The following STXBP5 variants were observed in gnomAD, a reference collection of about 807,000 sequenced individuals.
STXBP5 encodes the protein syntaxin-binding protein 5.
In STXBP5, 50 loss-of-function variants were observed where a neutral mutation model predicts 152.4. The ratio of observed to expected loss-of-function variants is 0.33; its 90% CI spans 0.26 to 0.42. STXBP5 has a LOEUF of 0.42. Among genes scored for constraint, STXBP5 ranks in the 10% least tolerant of loss-of-function variants. The probability of loss-of-function intolerance (pLI) is 1.00; values close to 1 mark genes in which losing one functional copy is unlikely to be tolerated. For missense variants in STXBP5, 1,167 were observed against 1,388.6 expected, an observed-to-expected ratio of 0.84 and a Z score of 2.54; for synonymous variants, 492 against 494.7, an observed-to-expected ratio of 0.99 and a Z score of 0.07.
chr6:147,314,150 TGC>T (rs2128373630), intron 12 of STXBP5, 112 bp from the exon 13 acceptor site: 1 of 1,446,128 alleles, frequency 6.9e-7, no homozygotes, highest in East Asian at 2.3e-5. Context: ...AAATTATTTT[TGC>T]AAGCAAAATA....
intron 16 of STXBP5, among the ~76,000 whole-genome samples, chr6:147,320,724 C>G (rs982798788): frequency 6.6e-6 from 1 of 152,024 alleles, no homozygotes; most frequent in Non-Finnish European, 1.5e-5. Context: ...TAAATTACAA[C>G]ATTACTTAAA....
At chr6:147,295,421 A>G (rs1394049759) in intron 9 of STXBP5, among the ~76,000 whole-genome samples, 1 of 152,194 alleles carries the variant, frequency 6.6e-6, no homozygotes, top group African/African-American at 2.4e-5. Flanking sequence ...ACGTCTGACT[A>G]GAGGTGCCTG....
intron 9 of STXBP5, among the ~76,000 whole-genome samples, chr6:147,302,383 G>A (rs1193027390): frequency 6.6e-6 from 1 of 152,140 alleles, no homozygotes; most frequent in African/African-American, 2.4e-5. Context: ...AGTTTGGTTT[G>A]ATAGTTCGGG....
At chr6:147,349,663 C>G (rs1436805984) in intron 21 of STXBP5, among the ~76,000 whole-genome samples, 1 of 152,114 alleles carries the variant, frequency 6.6e-6, no homozygotes, top group African/African-American at 2.4e-5. Flanking sequence ...CACCTTGTGC[C>G]TACCTTTGTG....
intron 11 of STXBP5, 122 bp downstream of exon 11, chr6:147,311,649 T>A (rs1465473826): frequency 3.0e-6 from 2 of 673,616 alleles, no homozygotes; most frequent in South Asian, 2.2e-5. Flanking sequence ...AACCTTGACC[T>A]CTTTTGAGAG....
intron 7 of STXBP5, among the ~76,000 whole-genome samples, chr6:147,273,195 T>C (rs2786186): frequency 7.7e-6 from 1 of 129,318 alleles, no homozygotes; most frequent in Admixed American, 7.9e-5. Context: ...TCTAAAAAAG[T>C]AAAAAAAAAA....
At chr6:147,242,362 G>A (rs528378006) in intron 4 of STXBP5, among the ~76,000 whole-genome samples, 2 of 152,020 alleles carry the variant, frequency 1.3e-5, no homozygotes, top group Non-Finnish European at 2.9e-5. Flanking sequence ...GTAAGCTAAG[G>A]TTAATTTATT....
chr6:147,316,496 T>C, intron 16 of STXBP5, 89 bp downstream of exon 16: 1 of 1,187,742 alleles, frequency 8.4e-7, no homozygotes, highest in African/African-American at 1.6e-5. Context: ...AACATTTTCT[T>C]TTGATATAGC....
At chr6:147,256,210 C>G (rs530890777) in intron 4 of STXBP5, among the ~76,000 whole-genome samples, 1 of 152,288 alleles carries the variant, frequency 6.6e-6, no homozygotes, top group African/African-American at 2.4e-5. Flanking sequence ...TGCTGCTGCT[C>G]CATAAGTGTC....
At chr6:147,314,696 C>T in intron 14 of STXBP5, 60 bp downstream of exon 14, 1 of 1,268,444 alleles carries the variant, frequency 7.9e-7, no homozygotes, top group South Asian at 1.5e-5. Context: ...TTTTATGCAT[C>T]CTGTTTTATA....
At chr6:147,275,549 C>CTTTT (rs71031021) in intron 7 of STXBP5, among the ~76,000 whole-genome samples, 2 of 64,454 alleles carry the variant, frequency 3.1e-5, no homozygotes, top group African/African-American at 1.3e-4. Context: ...AGTAAATATT[C>CTTTT]TTTTTTTTTT....
chr6:147,372,201 T>G (rs1304160344), intron 25 of STXBP5, among the ~76,000 whole-genome samples: 4 of 151,978 alleles, frequency 2.6e-5, no homozygotes, highest in Non-Finnish European at 5.9e-5. Flanking sequence ...ATGTTAATAA[T>G]TATTTCCTCC....
At chr6:147,334,942 A>C (rs908608845) in intron 19 of STXBP5, among the ~76,000 whole-genome samples, 1 of 152,140 alleles carries the variant, frequency 6.6e-6, no homozygotes, top group Non-Finnish European at 1.5e-5. Context: ...CTGGTATACT[A>C]CATCAGAAAC....
intron 8 of STXBP5, among the ~76,000 whole-genome samples, chr6:147,287,194 A>ATTTTTTTTT (rs11370591): frequency 1.3e-5 from 1 of 75,256 alleles, no homozygotes; most frequent in East Asian, 4.3e-4. Context: ...TTAATTGTAC[A>ATTTTTTTTT]TTTTTTTTTT....
intron 21 of STXBP5, among the ~76,000 whole-genome samples, chr6:147,341,920 G>A (rs1784112156): frequency 6.6e-6 from 1 of 152,096 alleles, no homozygotes; most frequent in Non-Finnish European, 1.5e-5. Context: ...CAGCGGGTTA[G>A]TTACTACTGT....
chr6:147,221,005 C>G (rs1271735074), intron 2 of STXBP5, among the ~76,000 whole-genome samples: 1 of 152,044 alleles, frequency 6.6e-6, no homozygotes, highest in Non-Finnish European at 1.5e-5. Context: ...TATGGTTCCA[C>G]ATTTTCTCTC....
intron 18 of STXBP5, among the ~76,000 whole-genome samples, 198 bp downstream of exon 18, chr6:147,327,474 G>T (rs945688198): frequency 1.3e-5 from 2 of 151,682 alleles, no homozygotes; most frequent in African/African-American, 4.8e-5. Flanking sequence ...TTTGAGACAG[G>T]GTCTCACTCT....
At chr6:147,328,723 T>C (rs1359029918) in intron 18 of STXBP5, 1 of 471,096 alleles carries the variant, frequency 2.1e-6, no homozygotes, top group Admixed American at 2.3e-5. Flanking sequence ...ACTTCTTGCA[T>C]GTGCGGCCTT....
chr6:147,237,137 A>C (rs1049724978), intron 3 of STXBP5, among the ~76,000 whole-genome samples: 3 of 152,178 alleles, frequency 2.0e-5, no homozygotes, highest in African/African-American at 7.2e-5. Context: ...AGCCAATGTT[A>C]ATAAAATGCG....
Sources: allele counts gnomAD v4.1 joint callset (sites outside exome capture counted in the v4.1 genomes callset), GRCh38; gene constraint gnomAD v4.1.1; transcripts MANE v1.5; gene names NCBI Gene and HGNC (gene_info 2026-07-23, HGNC 2026-07-21).